SLC25A21: variants seen among roughly 807,000 people sequenced by gnomAD.
SLC25A21 encodes the protein solute carrier family 25 member 21, also known as mitochondrial 2-oxodicarboxylate carrier.
In SLC25A21, 47 loss-of-function variants were observed where a neutral mutation model predicts 43.8. The observed-to-expected ratio is 1.07, with a 90% CI of 0.85 to 1.37. The LOEUF (loss-of-function observed/expected upper bound fraction) is 1.37. Ranked by LOEUF, SLC25A21 falls within the 40% of genes most tolerant of loss-of-function variation. The pLI is 0.00. For missense variants in SLC25A21, 352 were observed against 350.2 expected (o/e 1.00, Z -0.04); for synonymous variants, 131 against 121.3 (o/e 1.08, Z -0.52).
chr14:36,731,344 G>A (rs993365168), intron 4 of SLC25A21, among the ~76,000 whole-genome samples: 3 of 152,142 alleles, frequency 2.0e-5, no homozygotes, highest in African/African-American at 4.8e-5. Flanking sequence ...ATTTTGAAAT[G>A]AGCAGTCCTA....
intron 2 of SLC25A21, among the ~76,000 whole-genome samples, chr14:36,873,675 A>G (rs191790718): frequency 2.2e-4 from 33 of 152,168 alleles, no homozygotes; most frequent in African/African-American, 7.5e-4. Context: ...CAGAATGTGT[A>G]TGTTGAAGCC....
intron 1 of SLC25A21, among the ~76,000 whole-genome samples, chr14:36,963,257 AT>A (rs1377883958): frequency 6.6e-6 from 1 of 152,092 alleles, no homozygotes; most frequent in Non-Finnish European, 1.5e-5. Context: ...TATTTTTTAA[AT>A]TTCCCCCCTT....
At chr14:37,098,160 G>C (rs2138860038) in intron 1 of SLC25A21, 1 of 152,300 alleles carries the variant, frequency 6.6e-6, no homozygotes, top group African/African-American at 2.4e-5. Flanking sequence ...GAGCAGGTGG[G>C]ACGGAGTAAG....
At chr14:37,090,373 G>A (rs1046754376) in intron 1 of SLC25A21, among the ~76,000 whole-genome samples, 5 of 152,234 alleles carry the variant, frequency 3.3e-5, no homozygotes, top group Non-Finnish European at 5.9e-5. Flanking sequence ...TGTGGAGGAT[G>A]CCTCCTCGCA....
chr14:37,134,348 TAA>T, intron 1 of SLC25A21, among the ~76,000 whole-genome samples: 1 of 152,018 alleles, frequency 6.6e-6, no homozygotes. Flanking sequence ...ATTGTAAAAT[TAA>T]GAGAGCCTCT....
At chr14:36,966,640 C>T (rs1026113115) in intron 1 of SLC25A21, among the ~76,000 whole-genome samples, 5 of 152,290 alleles carry the variant, frequency 3.3e-5, no homozygotes, top group African/African-American at 7.2e-5. Flanking sequence ...TGCTCCTCTG[C>T]GACATTCCCA....
chr14:36,908,904 T>C (rs1891605354), intron 1 of SLC25A21, among the ~76,000 whole-genome samples: 1 of 152,198 alleles, frequency 6.6e-6, no homozygotes, highest in African/African-American at 2.4e-5. Flanking sequence ...TGATTTACTA[T>C]GCTTTGAGTC....
chr14:36,832,263 A>G (rs1305794313), intron 2 of SLC25A21, among the ~76,000 whole-genome samples: 1 of 152,086 alleles, frequency 6.6e-6, no homozygotes, highest in Non-Finnish European at 1.5e-5. Flanking sequence ...AAAATAATAT[A>G]TATATATATC....
intron 1 of SLC25A21, among the ~76,000 whole-genome samples, chr14:36,963,507 T>C (rs1325682130): frequency 1.3e-5 from 2 of 152,216 alleles, no homozygotes; most frequent in Non-Finnish European, 2.9e-5. Context: ...CATGGGGTTA[T>C]GATCAAAACA....
At chr14:37,039,135 T>C (rs1961391599) in intron 1 of SLC25A21, among the ~76,000 whole-genome samples, 1 of 152,192 alleles carries the variant, frequency 6.6e-6, no homozygotes, top group African/African-American at 2.4e-5. Flanking sequence ...TGGGTGCCAC[T>C]GTCAGACAAC....
In SLC25A21 at chr14:36,859,014, T is replaced by G. The variant is rs542745536; in HGVS notation, c.119+15942A>C. 1.8e-4 allele frequency among the ~76,000 whole-genome samples: 28 copies of G among 152,330 alleles called. 1 individual carries two copies. The South Asian group carries it at 5.6e-3, about 30-fold the overall frequency. On this transcript the variant is annotated intron_variant, in intron 2 of 9. Coordinates refer to ENST00000331299, the MANE Select transcript of SLC25A21 (RefSeq NM_030631.4). ...TATTCCAAGATCATCTCCTCAGAAG[T>G]TGCAGTTAACATTTTCCTAAAAAAT...
At chr14:36,874,885 T>C in intron 2 of SLC25A21, 71 bp downstream of exon 2, 2 of 1,310,436 alleles carry the variant, frequency 1.5e-6, no homozygotes, top group South Asian at 1.3e-5. Flanking sequence ...AGTCCTAGCA[T>C]TTAGTGCTCT....
intron 3 of SLC25A21, among the ~76,000 whole-genome samples, chr14:36,794,053 A>G (rs780444525): frequency 2.6e-5 from 4 of 152,232 alleles, no homozygotes; most frequent in Non-Finnish European, 2.9e-5. Context: ...GGAAAATTCA[A>G]TGGAAAATAC....
At chr14:36,695,910 G>T (rs906905934) in intron 7 of SLC25A21, among the ~76,000 whole-genome samples, 2 of 152,072 alleles carry the variant, frequency 1.3e-5, no homozygotes, top group African/African-American at 4.8e-5. Context: ...TCTTTCTCTT[G>T]CCTGACTGCC....
intron 2 of SLC25A21, among the ~76,000 whole-genome samples, chr14:36,872,947 C>T (rs1890416180): frequency 6.6e-6 from 1 of 152,162 alleles, no homozygotes; most frequent in Admixed American, 6.5e-5. Flanking sequence ...AACCCACATG[C>T]ACTAGATGCT....
At chr14:36,804,556 G>A (rs1290783969) in intron 3 of SLC25A21, among the ~76,000 whole-genome samples, 2 of 152,146 alleles carry the variant, frequency 1.3e-5, no homozygotes, top group Non-Finnish European at 2.9e-5. Context: ...TTTCACAAAC[G>A]ATAAAGGACC....
intron 1 of SLC25A21, among the ~76,000 whole-genome samples, chr14:36,935,078 G>A (rs921912985): frequency 1.3e-5 from 2 of 151,900 alleles, no homozygotes; most frequent in African/African-American, 4.8e-5. Flanking sequence ...TATCCTAGAA[G>A]TGTTTCAATC....
chr14:36,845,251 T>C (rs1344060236), intron 2 of SLC25A21, among the ~76,000 whole-genome samples: 2 of 152,328 alleles, frequency 1.3e-5, no homozygotes, highest in East Asian at 3.9e-4. Flanking sequence ...GGCATGGATT[T>C]TTAAATATTA....
intron 1 of SLC25A21, among the ~76,000 whole-genome samples, chr14:37,092,494 C>T (rs1042600873): frequency 2.0e-5 from 3 of 152,080 alleles, no homozygotes; most frequent in East Asian, 1.9e-4. Context: ...AGGGTTTTCT[C>T]GAGGTGGATT....
Sources: allele counts gnomAD v4.1 joint callset (sites outside exome capture counted in the v4.1 genomes callset), GRCh38; gene constraint gnomAD v4.1.1; transcripts MANE v1.5; gene names NCBI Gene and HGNC (gene_info 2026-07-23, HGNC 2026-07-21).